Variants in ITPRID1 observed in about 807,000 individuals in gnomAD.
The protein encoded by ITPRID1 is protein ITPRID1.
In ITPRID1, 96 loss-of-function variants were observed where a neutral mutation model predicts 95.4. The observed-to-expected ratio is 1.01, with a 90% confidence interval of 0.85 to 1.19. The LOEUF (loss-of-function observed/expected upper bound fraction) is 1.19. Among genes scored for constraint, ITPRID1 ranks in the 50% most tolerant of loss-of-function variants. ITPRID1 has a pLI of 0.00. For synonymous variants in ITPRID1, 510 were observed against 453.6 expected, an observed-to-expected ratio of 1.12 and a Z score of -1.58; for missense variants, 1,339 against 1,252.9, an observed-to-expected ratio of 1.07 and a Z score of -1.04.
In ITPRID1 at chr7:31,598,643, T is replaced by A. The variant is rs113413045; in HGVS notation, c.1228+15452T>A. On this transcript the variant is annotated intron_variant, in intron 10 of 14. Coordinates refer to ENST00000615280, the MANE Select transcript of ITPRID1 (RefSeq NM_001257967.3). Reference sequence around the variant, plus strand: ...TGGTCTCTATCTCCTGACCTCGTGATCCGCCCGCCTTGGCCTCCCAAAGTG... The same window carrying A: ...TGGTCTCTATCTCCTGACCTCGTGAACCGCCCGCCTTGGCCTCCCAAAGTG... 8.7e-3 allele frequency among the ~76,000 whole-genome samples: 1,329 copies of A among 152,196 alleles called. 8 individuals are homozygous for A. Among genetic ancestry groups the A allele is most frequent in the Non-Finnish European group, 0.013 (895 of 68,006 alleles).
chr7:31,570,487 G>A (rs1181855106), intron 6 of ITPRID1, among the ~76,000 whole-genome samples: 9 of 152,108 alleles, frequency 5.9e-5, no homozygotes, highest in Admixed American at 4.6e-4. Context: ...TGTCACCTTC[G>A]CATTTTCAGG....
intron 10 of ITPRID1, among the ~76,000 whole-genome samples, chr7:31,595,540 G>C (rs1786052677): frequency 6.6e-6 from 1 of 151,958 alleles, no homozygotes; most frequent in Non-Finnish European, 1.5e-5. Context: ...AAAAGTATAA[G>C]TTAAAATTAC....
At chr7:31,628,586 C>T (rs1457417827) in intron 10 of ITPRID1, among the ~76,000 whole-genome samples, 16 of 151,856 alleles carry the variant, frequency 1.1e-4, no homozygotes, top group Non-Finnish European at 2.9e-5. Context: ...GCCTCCCCAG[C>T]AGCTGGGACT....
At chr7:31,646,376 C>T (rs1308343600) in intron 12 of ITPRID1, among the ~76,000 whole-genome samples, 1 of 152,008 alleles carries the variant, frequency 6.6e-6, no homozygotes, top group Non-Finnish European at 1.5e-5. Context: ...TGTGAGTGGG[C>T]CTCCAGCACC....
intron 9 of ITPRID1, among the ~76,000 whole-genome samples, chr7:31,582,278 T>C (rs1785431350): frequency 6.6e-6 from 1 of 152,232 alleles, no homozygotes; most frequent in Non-Finnish European, 1.5e-5. Flanking sequence ...AATCTTATTA[T>C]GTGGAATAAA....
At chr7:31,561,593 G>C (rs369103541) in intron 5 of ITPRID1, among the ~76,000 whole-genome samples, 1 of 152,104 alleles carries the variant, frequency 6.6e-6, no homozygotes, top group African/African-American at 2.4e-5. Flanking sequence ...TGCTGCTTAC[G>C]TTGTGAGTCT....
intron 10 of ITPRID1, among the ~76,000 whole-genome samples, chr7:31,600,274 G>A (rs1583556715): frequency 6.6e-6 from 1 of 152,172 alleles, no homozygotes; most frequent in Admixed American, 6.5e-5. Context: ...ATAACAATAT[G>A]TATCAGAAAG....
chr7:31,526,573 A>G (rs758227059), intron 1 of ITPRID1, among the ~76,000 whole-genome samples: 5 of 152,196 alleles, frequency 3.3e-5, no homozygotes, highest in Non-Finnish European at 7.3e-5. Flanking sequence ...AATGGTGGCT[A>G]TCGTTATAAT....
chr7:31,620,655 G>A (rs1010708858), intron 10 of ITPRID1, among the ~76,000 whole-genome samples: 3 of 150,292 alleles, frequency 2.0e-5, no homozygotes, highest in Non-Finnish European at 3.0e-5. Flanking sequence ...CCACAAAGAT[G>A]GGGAAAAAAC....
chr7:31,549,639 C>A, intron 2 of ITPRID1, 140 bp downstream of exon 2: 2 of 548,066 alleles, frequency 3.6e-6, no homozygotes, highest in Non-Finnish European at 6.0e-6. Flanking sequence ...AGCAGCAGAG[C>A]TGATATTAAA....
chr7:31,521,685 T>C (rs201675434), intron 1 of ITPRID1, among the ~76,000 whole-genome samples: 3 of 118,574 alleles, frequency 2.5e-5, no homozygotes, highest in South Asian at 3.3e-4. Context: ...CTTCCTTCCT[T>C]CCTCCTTTAT....
intron 10 of ITPRID1, among the ~76,000 whole-genome samples, chr7:31,630,855 G>A (rs1407144876): frequency 6.6e-6 from 1 of 151,564 alleles, no homozygotes; most frequent in Non-Finnish European, 1.5e-5. Context: ...AAAGAAAACA[G>A]GAATTACAAC....
At chr7:31,630,565 G>T (rs574709240) in intron 10 of ITPRID1, among the ~76,000 whole-genome samples, 2 of 152,246 alleles carry the variant, frequency 1.3e-5, no homozygotes, top group African/African-American at 4.8e-5. Flanking sequence ...ACTGGATTAT[G>T]GATTATTAGT....
chr7:31,575,501 TG>T (rs1785148258), intron 8 of ITPRID1, among the ~76,000 whole-genome samples: 1 of 152,188 alleles, frequency 6.6e-6, no homozygotes, highest in Admixed American at 6.6e-5. Flanking sequence ...CAAAACAGTT[TG>T]GGGGAAAGAT....
chr7:31,534,401 A>G (rs998117563), intron 1 of ITPRID1, among the ~76,000 whole-genome samples: 3 of 152,070 alleles, frequency 2.0e-5, no homozygotes, highest in African/African-American at 7.2e-5. Flanking sequence ...AGATTTGTCT[A>G]TTTCTTTAGT....
intron 1 of ITPRID1, chr7:31,518,280 A>C (rs975032054): frequency 6.6e-6 from 1 of 152,260 alleles, no homozygotes; most frequent in Non-Finnish European, 1.5e-5. Flanking sequence ...GCCTGCTAAC[A>C]GATACGTTTT....
chr7:31,546,377 T>C (rs2128134517), intron 1 of ITPRID1, among the ~76,000 whole-genome samples: 1 of 152,088 alleles, frequency 6.6e-6, no homozygotes, highest in African/African-American at 2.4e-5. Flanking sequence ...CAGAAAATTT[T>C]GCTTCAAAAC....
At chr7:31,533,060 GA>G (rs1260400316) in intron 1 of ITPRID1, among the ~76,000 whole-genome samples, 2 of 151,786 alleles carry the variant, frequency 1.3e-5, no homozygotes, top group Non-Finnish European at 2.9e-5. Flanking sequence ...TTTATGTTCA[GA>G]AAAAAATTGT....
intron 12 of ITPRID1, among the ~76,000 whole-genome samples, chr7:31,645,612 A>C (rs1397548117): frequency 2.6e-5 from 4 of 152,030 alleles, no homozygotes; most frequent in Middle Eastern, 3.2e-3. Flanking sequence ...ACCACCCACC[A>C]CCACCATCAT....
Sources: allele counts gnomAD v4.1 joint callset (sites outside exome capture counted in the v4.1 genomes callset), GRCh38; gene constraint gnomAD v4.1.1; transcripts MANE v1.5; gene names NCBI Gene and HGNC (gene_info 2026-07-23, HGNC 2026-07-21).